The following BTBD9 variants were observed in gnomAD, a reference collection of about 807,000 sequenced individuals.
BTBD9 encodes BTB/POZ domain-containing protein 9.
Under a neutral mutation model 64.3 loss-of-function variants are expected in BTBD9, and 49 were observed. The ratio of observed to expected loss-of-function variants is 0.76; its 90% CI spans 0.61 to 0.97. BTBD9 has a LOEUF of 0.97. Ranked by LOEUF, BTBD9 falls within the 50% of genes least tolerant of loss-of-function variation. BTBD9 has a pLI of 0.00. For missense variants in BTBD9, 598 were observed against 762.1 expected (o/e 0.78, Z 2.53); for synonymous variants, 260 against 274.7 (o/e 0.95, Z 0.53).
intron 6 of BTBD9, among the ~76,000 whole-genome samples, chr6:38,498,457 TA>T (rs11393821): frequency 5.4e-4 from 71 of 132,624 alleles, no homozygotes; most frequent in East Asian, 8.7e-4. Flanking sequence ...TATCTAGTAC[TA>T]AAAAAAAAAA....
chr6:38,315,075 T>C (rs111979617), intron 7 of BTBD9, among the ~76,000 whole-genome samples: 4,493 of 152,068 alleles, frequency 0.03, 210 homozygotes, highest in African/African-American at 0.1. Context: ...GTCTCGATCT[T>C]CTGACCTCAT....
intron 6 of BTBD9, among the ~76,000 whole-genome samples, chr6:38,505,573 G>A (rs576552136): frequency 6.6e-5 from 10 of 151,610 alleles, no homozygotes; most frequent in East Asian, 3.9e-4. Context: ...GCAGTGAGCC[G>A]AGATCGCACC....
intron 6 of BTBD9, among the ~76,000 whole-genome samples, chr6:38,525,257 C>A (rs1773435904): frequency 6.6e-6 from 1 of 152,164 alleles, no homozygotes; most frequent in Non-Finnish European, 1.5e-5. Context: ...CCTGCTCTTG[C>A]TCGCTCTCTC....
intron 5 of BTBD9, among the ~76,000 whole-genome samples, chr6:38,579,780 G>A (rs1053445541): frequency 1.3e-5 from 2 of 152,130 alleles, no homozygotes; most frequent in Non-Finnish European, 2.9e-5. Context: ...TTAAAGGGTA[G>A]AGTGTTCACA....
intron 9 of BTBD9, among the ~76,000 whole-genome samples, chr6:38,196,695 G>A (rs1240365594): frequency 2.0e-5 from 3 of 152,204 alleles, no homozygotes; most frequent in Non-Finnish European, 4.4e-5. Flanking sequence ...CCAGGGAGAT[G>A]AGCTCTCCTT....
intron 6 of BTBD9, chr6:38,571,633 A>C (rs1775773820): frequency 6.6e-6 from 1 of 152,190 alleles, no homozygotes; most frequent in South Asian, 2.1e-4. Flanking sequence ...TTCAATGTAC[A>C]CCAAAGAAAA....
chr6:38,188,067 C>T (rs545630271), intron 10 of BTBD9, among the ~76,000 whole-genome samples: 4 of 152,218 alleles, frequency 2.6e-5, no homozygotes, highest in Non-Finnish European at 4.4e-5. Flanking sequence ...CAGATGCACA[C>T]CTACAGCAGG....
intron 4 of BTBD9, among the ~76,000 whole-genome samples, chr6:38,591,376 C>T (rs1300853826): frequency 6.6e-6 from 1 of 152,230 alleles, no homozygotes; most frequent in Non-Finnish European, 1.5e-5. Context: ...ACTCAAGCTT[C>T]ATAACCTCCA....
intron 6 of BTBD9, among the ~76,000 whole-genome samples, chr6:38,564,570 T>A (rs553737119): frequency 2.0e-5 from 3 of 152,182 alleles, no homozygotes; most frequent in South Asian, 4.1e-4. Context: ...TCCAGCTCAA[T>A]CCTGGCACCA....
chr6:38,466,769 G>T (rs79493718), intron 6 of BTBD9, among the ~76,000 whole-genome samples: 1 of 151,966 alleles, frequency 6.6e-6, no homozygotes, highest in African/African-American at 2.4e-5. Context: ...GTGGAGAAAG[G>T]GTTCTGTAAT....
At chr6:38,431,935 T>C (rs1472128799) in intron 6 of BTBD9, among the ~76,000 whole-genome samples, 1 of 151,918 alleles carries the variant, frequency 6.6e-6, no homozygotes, top group Non-Finnish European at 1.5e-5. Context: ...TCAGAATTCA[T>C]GTGTTGGAAA....
At chr6:38,538,325 G>A (rs1395794492) in intron 6 of BTBD9, among the ~76,000 whole-genome samples, 1 of 152,062 alleles carries the variant, frequency 6.6e-6, no homozygotes, top group Non-Finnish European at 1.5e-5. Context: ...GGAAATTAAG[G>A]GGTTTCTGAG....
At chr6:38,338,813 C>T (rs1013676408) in intron 7 of BTBD9, among the ~76,000 whole-genome samples, 15 of 151,956 alleles carry the variant, frequency 9.9e-5, no homozygotes, top group African/African-American at 3.6e-4. Flanking sequence ...AAGAGAAGAG[C>T]CATTTAAAAA....
intron 7 of BTBD9, among the ~76,000 whole-genome samples, chr6:38,295,228 G>A (rs538777555): frequency 1.7e-3 from 254 of 152,194 alleles, no homozygotes; most frequent in African/African-American, 5.3e-3. Flanking sequence ...GCAGTGGTAC[G>A]ATCACGGTTC....
chr6:38,607,349 A>C (rs548216447), intron 1 of BTBD9, among the ~76,000 whole-genome samples: 32 of 152,310 alleles, frequency 2.1e-4, no homozygotes, highest in Middle Eastern at 3.4e-3. Context: ...GTCTTTCTAA[A>C]ATGTAAAGTA....
intron 6 of BTBD9, among the ~76,000 whole-genome samples, chr6:38,533,718 A>G (rs960320435): frequency 1.4e-4 from 21 of 152,348 alleles, no homozygotes; most frequent in Middle Eastern, 3.4e-3. Context: ...GAATAAAACA[A>G]ATCAATAACA....
intron 10 of BTBD9, among the ~76,000 whole-genome samples, chr6:38,185,565 C>T (rs969976020): frequency 1.3e-5 from 2 of 152,064 alleles, no homozygotes; most frequent in South Asian, 2.1e-4. Context: ...AATTAGTTAA[C>T]GTCTCTCAGC....
At chr6:38,406,535 G>A (rs1410436018) in intron 6 of BTBD9, among the ~76,000 whole-genome samples, 1 of 152,078 alleles carries the variant, frequency 6.6e-6, no homozygotes, top group East Asian at 1.9e-4. Context: ...AATTCCCAGT[G>A]GTAGTACTAG....
intron 6 of BTBD9, among the ~76,000 whole-genome samples, chr6:38,559,326 C>T (rs1775166496): frequency 6.6e-6 from 1 of 151,514 alleles, no homozygotes; most frequent in African/African-American, 2.4e-5. Context: ...TTACAATAGT[C>T]ACACACATAC....
Sources: allele counts gnomAD v4.1 joint callset (sites outside exome capture counted in the v4.1 genomes callset), GRCh38; gene constraint gnomAD v4.1.1; transcripts MANE v1.5; gene names NCBI Gene and HGNC (gene_info 2026-07-23, HGNC 2026-07-21).